Variants in TCERG1L observed in about 807,000 individuals in gnomAD.
The protein encoded by TCERG1L is transcription elongation regulator 1-like protein.
TCERG1L carries 37 observed loss-of-function variants against 56.3 expected under a neutral mutation model. That is an observed-to-expected ratio of 0.66 (90% CI 0.51 to 0.87). The LOEUF (loss-of-function observed/expected upper bound fraction) is 0.87. Ranked by LOEUF, TCERG1L falls within the 40% of genes least tolerant of loss-of-function variation. TCERG1L has a pLI of 0.00. For synonymous variants in TCERG1L, 324 were observed against 326.3 expected (o/e 0.99, Z 0.08); for missense variants, 799 against 774.2 (o/e 1.03, Z -0.38).
At chr10:131,299,506 C>G (rs187242481) in intron 3 of TCERG1L, among the ~76,000 whole-genome samples, 2 of 149,982 alleles carry the variant, frequency 1.3e-5, no homozygotes, top group African/African-American at 5.0e-5. Flanking sequence ...ATATATCTTT[C>G]GAAGATATAT....
chr10:131,121,322 C>T (rs1016851761), intron 8 of TCERG1L, among the ~76,000 whole-genome samples: 7 of 152,172 alleles, frequency 4.6e-5, no homozygotes, highest in Non-Finnish European at 1.0e-4. Context: ...GGATGACTTG[C>T]TGTACAACCT....
rs1212795487 is a variant in TCERG1L at position 131,285,465 on chromosome 10, GAAGAAAGAAAGAAAGAAAGA to G, written c.670+22726_670+22745del. On this transcript the variant is annotated intron_variant, in intron 3 of 11. Coordinates refer to ENST00000368642, the MANE Select transcript of TCERG1L (RefSeq NM_174937.4). Reference sequence around the variant, plus strand: ...AGAAACAAAGAAAGAGAGAGAAAGGGAAGAAAGAAAGAAAGAAAGAAAGAAAGAAAGAAAGAAAGAAAGAA... The same window carrying G: ...AGAAACAAAGAAAGAGAGAGAAAGGGAAGAAAGAAAGAAAGAAAGAAAGAA... 4.6e-4 allele frequency among the ~76,000 whole-genome samples: 48 copies of G among 103,984 alleles called. 1 individual carries two copies. The highest frequency in any genetic ancestry group is 1.9e-3 in the African/African-American group (48 of 25,050). 68.2% of individuals were successfully genotyped at this position (103,984 alleles called of 152,430 possible). A position where few individuals can be genotyped will look rare whatever the true frequency, so the allele number is the denominator to read the frequency against.
At chr10:131,293,991 T>C (rs1246075583) in intron 3 of TCERG1L, among the ~76,000 whole-genome samples, 3 of 152,214 alleles carry the variant, frequency 2.0e-5, no homozygotes, top group Non-Finnish European at 2.9e-5. Flanking sequence ...CCCAGGCAAT[T>C]GCTCTCTGTA....
intron 4 of TCERG1L, among the ~76,000 whole-genome samples, chr10:131,171,363 G>A (rs538515944): frequency 1.2e-4 from 18 of 152,188 alleles, no homozygotes; most frequent in East Asian, 5.8e-4. Context: ...AAGCTTTTCC[G>A]TATTGCGCTT....
At chr10:131,141,512 C>G (rs1050893365) in intron 7 of TCERG1L, among the ~76,000 whole-genome samples, 6 of 152,150 alleles carry the variant, frequency 3.9e-5, no homozygotes, top group Non-Finnish European at 7.4e-5. Flanking sequence ...TCATCTTTGG[C>G]GTCCTGTGTC....
intron 4 of TCERG1L, among the ~76,000 whole-genome samples, chr10:131,209,055 C>T (rs11596812): frequency 0.22 from 11,433 of 51,702 alleles, 558 homozygotes; most frequent in South Asian, 0.37. Context: ...GAGACTCTGT[C>T]TCAAAAAAAA....
chr10:131,217,790 CG>C (rs1845686959), intron 4 of TCERG1L, among the ~76,000 whole-genome samples: 1 of 142,668 alleles, frequency 7.0e-6, no homozygotes, highest in South Asian at 2.3e-4. Context: ...GGCACAATCT[CG>C]GCTCACTGCA....
chr10:131,294,759 T>C (rs2133576983), intron 3 of TCERG1L, among the ~76,000 whole-genome samples: 1 of 152,288 alleles, frequency 6.6e-6, no homozygotes, highest in South Asian at 2.1e-4. Context: ...TTTCTTCTAT[T>C]GTCCATTTTT....
chr10:131,121,457 C>T (rs949532999), intron 8 of TCERG1L, among the ~76,000 whole-genome samples: 2 of 152,216 alleles, frequency 1.3e-5, no homozygotes, highest in Admixed American at 1.3e-4. Flanking sequence ...TTAATTTCAT[C>T]CTGATGAAAT....
chr10:131,277,798 C>T (rs1039838195), intron 3 of TCERG1L, among the ~76,000 whole-genome samples: 4 of 152,126 alleles, frequency 2.6e-5, no homozygotes, highest in East Asian at 1.9e-4. Flanking sequence ...AAAAGGTGCC[C>T]GGAGGAGGGC....
intron 3 of TCERG1L, among the ~76,000 whole-genome samples, chr10:131,285,842 T>C (rs1846534410): frequency 6.6e-6 from 1 of 152,118 alleles, no homozygotes; most frequent in African/African-American, 2.4e-5. Context: ...CCCTAAAATA[T>C]TATAACAAGA....
At chr10:131,141,164 T>C (rs1345137097) in intron 7 of TCERG1L, among the ~76,000 whole-genome samples, 2 of 152,168 alleles carry the variant, frequency 1.3e-5, no homozygotes, top group African/African-American at 2.4e-5. Context: ...ATAATCATAA[T>C]GGGGAACCTC....
intron 8 of TCERG1L, among the ~76,000 whole-genome samples, chr10:131,120,899 G>T (rs575302430): frequency 1.3e-5 from 2 of 152,286 alleles, no homozygotes; most frequent in Non-Finnish European, 1.5e-5. Flanking sequence ...TGGGCACAGC[G>T]GGGCTGTAGC....
intron 6 of TCERG1L, chr10:131,155,941 T>C (rs1478424451): frequency 5.9e-5 from 9 of 152,248 alleles, no homozygotes; most frequent in Admixed American, 4.6e-4. Context: ...ACTCCTCCTG[T>C]CCCTTCTCTG....
At chr10:131,201,618 A>T (rs910124209) in intron 4 of TCERG1L, among the ~76,000 whole-genome samples, 7 of 152,224 alleles carry the variant, frequency 4.6e-5, no homozygotes, top group African/African-American at 1.4e-4. Flanking sequence ...TATAAAAATA[A>T]AATAAATCAA....
intron 3 of TCERG1L, among the ~76,000 whole-genome samples, chr10:131,303,362 T>G (rs1332927733): frequency 6.6e-6 from 1 of 152,136 alleles, no homozygotes; most frequent in Non-Finnish European, 1.5e-5. Context: ...TTGATTTGCA[T>G]TTCTCTAATG....
chr10:131,205,525 A>G (rs1273903595), intron 4 of TCERG1L, among the ~76,000 whole-genome samples: 2 of 152,224 alleles, frequency 1.3e-5, no homozygotes, highest in Non-Finnish European at 2.9e-5. Context: ...ATCTCACATT[A>G]GGGAATTTTG....
intron 3 of TCERG1L, among the ~76,000 whole-genome samples, chr10:131,291,576 G>C (rs1236112734): frequency 1.3e-5 from 2 of 150,630 alleles, no homozygotes; most frequent in South Asian, 4.2e-4. Context: ...ACAGGCGCCC[G>C]CCAACACACC....
intron 4 of TCERG1L, among the ~76,000 whole-genome samples, chr10:131,221,849 G>A (rs891124208): frequency 3.9e-5 from 6 of 152,332 alleles, no homozygotes; most frequent in Non-Finnish European, 5.9e-5. Context: ...CTGCCTCCAC[G>A]TTGGGAGTAC....
Sources: gnomAD v4.1 joint callset for allele counts (sites outside exome capture counted in the v4.1 genomes callset) on GRCh38, gnomAD v4.1.1 for gene constraint, MANE v1.5 for transcripts, NCBI Gene and HGNC (gene_info 2026-07-23, HGNC 2026-07-21) for gene names.